RGS8: variants seen among roughly 807,000 people sequenced by gnomAD.
RGS8 encodes regulator of G-protein signaling 8.
RGS8 carries 8 observed loss-of-function variants against 21.7 expected under a neutral mutation model. The ratio of observed to expected loss-of-function variants is 0.37; its 90% CI spans 0.22 to 0.66. The LOEUF (loss-of-function observed/expected upper bound fraction) is 0.66, where lower values mean the gene tolerates loss of function less well. Ranked by LOEUF, RGS8 falls within the 30% of genes least tolerant of loss-of-function variation. The pLI is 0.59. For synonymous variants in RGS8, 80 were observed against 83.6 expected (o/e 0.96, Z 0.24); for missense variants, 157 against 217.9 (o/e 0.72, Z 1.76).
the RGS8 span, among the ~76,000 whole-genome samples, chr1:182,749,057 C>G: frequency 6.6e-6 from 1 of 152,094 alleles, no homozygotes; most frequent in Admixed American, 6.6e-5. Context: ...TCTCTTCTAT[C>G]TGTTATTTCT....
At chr1:182,719,877 T>A in the RGS8 span, among the ~76,000 whole-genome samples, 6 of 152,236 alleles carry the variant, frequency 3.9e-5, no homozygotes, top group African/African-American at 1.4e-4. Flanking sequence ...GGATTCCTTA[T>A]GAAATTATCA....
At chr1:182,732,864 T>C in the RGS8 span, among the ~76,000 whole-genome samples, 1 of 152,210 alleles carries the variant, frequency 6.6e-6, no homozygotes, top group South Asian at 2.1e-4. Context: ...TTGAAGATGA[T>C]TTCTTGTGGC....
intron 2 of RGS8, among the ~76,000 whole-genome samples, chr1:182,670,892 A>G (rs1664125647): frequency 6.6e-6 from 1 of 152,162 alleles, no homozygotes; most frequent in Non-Finnish European, 1.5e-5. Flanking sequence ...GAAGTCATGA[A>G]ATCAAAGCTT....
the RGS8 span, among the ~76,000 whole-genome samples, chr1:182,703,772 C>T: frequency 2.6e-5 from 4 of 152,154 alleles, no homozygotes; most frequent in East Asian, 1.9e-4. Context: ...ATTTTGTTTG[C>T]GTTCCCTCAG....
chr1:182,751,737 T>C, the RGS8 span, among the ~76,000 whole-genome samples: 1 of 152,218 alleles, frequency 6.6e-6, no homozygotes. Flanking sequence ...TTCAAAAAGA[T>C]ATACCATATA....
the RGS8 span, among the ~76,000 whole-genome samples, chr1:182,743,684 T>C: frequency 6.6e-6 from 1 of 152,240 alleles, no homozygotes; most frequent in African/African-American, 2.4e-5. Context: ...ACCCCAGTTA[T>C]CTGCACAGTT....
chr1:182,716,095 G>C, the RGS8 span, among the ~76,000 whole-genome samples: 1 of 151,082 alleles, frequency 6.6e-6, no homozygotes, highest in African/African-American at 2.4e-5. Flanking sequence ...CAATATAAAT[G>C]GAATGAAAAT....
At chr1:182,647,006 A>G (rs1662734778) in intron 6 of RGS8, 89 bp from the exon 8 acceptor site, 1 of 1,056,210 alleles carries the variant, frequency 9.5e-7, no homozygotes, top group East Asian at 2.4e-5. Context: ...ATTATGAATG[A>G]CAGCATCTAC....
chr1:182,685,902 G>T (rs1664690570), upstream of RGS8, among the ~76,000 whole-genome samples: 1 of 152,174 alleles, frequency 6.6e-6, no homozygotes, highest in Non-Finnish European at 1.5e-5. Context: ...ACCCAGTGGA[G>T]GAGAGAGAGA....
At chr1:182,736,519 T>G in the RGS8 span, among the ~76,000 whole-genome samples, 2 of 152,136 alleles carry the variant, frequency 1.3e-5, no homozygotes, top group African/African-American at 2.4e-5. Flanking sequence ...ACCAAATTTT[T>G]GGGGTGATTA....
chr1:182,703,846 A>G, the RGS8 span, among the ~76,000 whole-genome samples: 1 of 152,224 alleles, frequency 6.6e-6, no homozygotes, highest in Admixed American at 6.5e-5. Context: ...AGAAAAACTG[A>G]TTAGAGATAA....
chr1:182,652,529 A>T (rs1663069938), intron 5 of RGS8, among the ~76,000 whole-genome samples: 1 of 152,282 alleles, frequency 6.6e-6, no homozygotes, highest in Non-Finnish European at 1.5e-5. Context: ...AATATGTAGC[A>T]TTGAAAACTT....
the RGS8 span, among the ~76,000 whole-genome samples, chr1:182,728,951 T>A: frequency 6.6e-6 from 1 of 152,224 alleles, no homozygotes; most frequent in Non-Finnish European, 1.5e-5. Context: ...CACATTTACC[T>A]GTGTCACAAA....
the RGS8 span, among the ~76,000 whole-genome samples, chr1:182,743,081 G>A: frequency 6.6e-6 from 1 of 152,128 alleles, no homozygotes; most frequent in Non-Finnish European, 1.5e-5. Context: ...CTGGGAAGAT[G>A]ACCCCTGAAG....
At chr1:182,654,415 G>A (rs1028766184) in intron 5 of RGS8, among the ~76,000 whole-genome samples, 1 of 152,102 alleles carries the variant, frequency 6.6e-6, no homozygotes, top group Non-Finnish European at 1.5e-5. Context: ...GCAAGAAAAG[G>A]GACATATTTG....
At chr1:182,739,281 A>G in the RGS8 span, among the ~76,000 whole-genome samples, 3 of 152,276 alleles carry the variant, frequency 2.0e-5, no homozygotes, top group East Asian at 1.9e-4. Flanking sequence ...AACGTGAGAG[A>G]AAAAGAACCC....
the RGS8 span, among the ~76,000 whole-genome samples, chr1:182,735,308 G>T: frequency 2.6e-5 from 4 of 151,964 alleles, no homozygotes; most frequent in Non-Finnish European, 5.9e-5. Context: ...CGATAACTAA[G>T]GAAAAGTCAC....
chr1:182,649,558 T>C (rs887817495), intron 5 of RGS8, among the ~76,000 whole-genome samples: 8 of 152,250 alleles, frequency 5.3e-5, no homozygotes, highest in Non-Finnish European at 1.2e-4. Flanking sequence ...AACAAATTAA[T>C]ATGGCTTTTC....
At chr1:182,741,034 A>G in the RGS8 span, among the ~76,000 whole-genome samples, 251 of 151,666 alleles carry the variant, frequency 1.7e-3, 3 homozygotes, top group Middle Eastern at 0.01. Context: ...CAAAACCGCC[A>G]TTGTCATCAT....
Sources: gnomAD v4.1 joint callset for allele counts (sites outside exome capture counted in the v4.1 genomes callset) on GRCh38, gnomAD v4.1.1 for gene constraint, MANE v1.5 for transcripts, NCBI Gene and HGNC (gene_info 2026-07-23, HGNC 2026-07-21) for gene names.